The following DLG2 variants were observed in gnomAD, a reference collection of about 807,000 sequenced individuals.
DLG2 encodes discs large MAGUK scaffold protein 2.
A neutral mutation model predicts 132.5 loss-of-function variants in DLG2; 45 were observed. The ratio of observed to expected loss-of-function variants is 0.34; its 90% CI spans 0.27 to 0.44. DLG2 has a LOEUF of 0.44. DLG2 is among the 20% of genes least tolerant of loss of function. DLG2 has a pLI of 1.00. For synonymous variants in DLG2, 424 were observed against 419.6 expected (o/e 1.01, Z -0.13); for missense variants, 1,045 against 1,196.9 (o/e 0.87, Z 1.87).
At chr11:84,540,027 T>A (rs1371867331) in intron 6 of DLG2, among the ~76,000 whole-genome samples, 1 of 152,154 alleles carries the variant, frequency 6.6e-6, no homozygotes, top group Non-Finnish European at 1.5e-5. Flanking sequence ...TTACATCTTA[T>A]ACCAAAATTA....
At chr11:83,595,042 A>G (rs1389045754) in intron 19 of DLG2, among the ~76,000 whole-genome samples, 1 of 152,224 alleles carries the variant, frequency 6.6e-6, no homozygotes, top group Non-Finnish European at 1.5e-5. Flanking sequence ...TTATCAATGC[A>G]TATGGTATAA....
intron 8 of DLG2, among the ~76,000 whole-genome samples, chr11:84,170,875 G>A (rs946268607): frequency 3.3e-5 from 5 of 152,044 alleles, no homozygotes; most frequent in African/African-American, 1.2e-4. Flanking sequence ...CTGACCAATT[G>A]TTACTGTGAT....
chr11:85,571,217 T>C (rs1349610596), intron 3 of DLG2, among the ~76,000 whole-genome samples: 1 of 152,206 alleles, frequency 6.6e-6, no homozygotes, highest in African/African-American at 2.4e-5. Context: ...TAAAATATAA[T>C]GTGGCAACTT....
At chr11:85,154,312 C>T (rs917865192) in intron 5 of DLG2, among the ~76,000 whole-genome samples, 1 of 152,088 alleles carries the variant, frequency 6.6e-6, no homozygotes, top group South Asian at 2.1e-4. Flanking sequence ...TGTGTGATAA[C>T]CAGCACTTGA....
At chr11:84,961,526 TTGTGTGTGTGTGTGTGTGTGTG>T (rs71465017) in intron 6 of DLG2, among the ~76,000 whole-genome samples, 3 of 143,784 alleles carry the variant, frequency 2.1e-5, no homozygotes, top group Non-Finnish European at 4.6e-5. Flanking sequence ...AATTGTATCT[TTGTGTGTGTGTGTGTGTGTGTG>T]TGTGTGTGTG....
At chr11:83,878,023 C>G (rs2065207677) in intron 15 of DLG2, among the ~76,000 whole-genome samples, 1 of 152,182 alleles carries the variant, frequency 6.6e-6, no homozygotes, top group African/African-American at 2.4e-5. Flanking sequence ...TTCACCTCCT[C>G]AGGAAGAGAG....
At chr11:83,752,596 A>G (rs1295068158) in intron 18 of DLG2, among the ~76,000 whole-genome samples, 3 of 152,198 alleles carry the variant, frequency 2.0e-5, no homozygotes, top group South Asian at 2.1e-4. Context: ...AGTGGGTTCA[A>G]AGGAGAATGG....
intron 5 of DLG2, among the ~76,000 whole-genome samples, chr11:85,132,499 C>A (rs1403329348): frequency 1.3e-5 from 2 of 150,992 alleles, no homozygotes; most frequent in Non-Finnish European, 2.9e-5. Context: ...GATGCAAAAG[C>A]AAATCCTGCC....
intron 14 of DLG2, among the ~76,000 whole-genome samples, chr11:83,947,883 A>T (rs2084453778): frequency 6.6e-6 from 1 of 152,194 alleles, no homozygotes; most frequent in South Asian, 2.1e-4. Context: ...GTCAAAGGCG[A>T]AATCATGGAA....
intron 6 of DLG2, among the ~76,000 whole-genome samples, chr11:84,767,511 A>G (rs958122933): frequency 6.6e-6 from 1 of 152,086 alleles, no homozygotes; most frequent in African/African-American, 2.4e-5. Flanking sequence ...TCAAAATGCA[A>G]TTTAAAATAT....
At chr11:85,577,667 T>A (rs148360482) in intron 3 of DLG2, among the ~76,000 whole-genome samples, 1 of 152,108 alleles carries the variant, frequency 6.6e-6, no homozygotes, top group Non-Finnish European at 1.5e-5. Context: ...TTTAAAACCA[T>A]GGGATTGAAT....
chr11:84,694,826 G>C (rs1397346629), intron 6 of DLG2, among the ~76,000 whole-genome samples: 1 of 151,436 alleles, frequency 6.6e-6, no homozygotes, highest in Non-Finnish European at 1.5e-5. Context: ...TACAGAGTGG[G>C]GGTGAAACTA....
chr11:83,533,528 C>CA (rs1254877195), intron 20 of DLG2, among the ~76,000 whole-genome samples: 1 of 152,068 alleles, frequency 6.6e-6, no homozygotes, highest in East Asian at 1.9e-4. Context: ...TGGGAGGGTG[C>CA]AAAGGAGGAG....
chr11:83,496,577 C>T (rs149790608), intron 21 of DLG2, among the ~76,000 whole-genome samples: 5 of 152,200 alleles, frequency 3.3e-5, no homozygotes, highest in Admixed American at 6.5e-5. Context: ...TAATACATTG[C>T]GGTATATTCA....
intron 3 of DLG2, among the ~76,000 whole-genome samples, chr11:85,512,860 A>G (rs2094105172): frequency 6.6e-6 from 1 of 152,192 alleles, no homozygotes; most frequent in East Asian, 1.9e-4. Flanking sequence ...AAAGGAAAAT[A>G]AACTGTTCTA....
At chr11:85,417,384 G>T (rs1020927809) in intron 3 of DLG2, among the ~76,000 whole-genome samples, 2 of 152,108 alleles carry the variant, frequency 1.3e-5, no homozygotes, top group African/African-American at 4.8e-5. Context: ...ATGTTCATCA[G>T]GGATACTGAC....
intron 19 of DLG2, among the ~76,000 whole-genome samples, chr11:83,551,973 C>T (rs1437311223): frequency 6.6e-6 from 1 of 152,118 alleles, no homozygotes; most frequent in African/African-American, 2.4e-5. Flanking sequence ...CATTTGGCCA[C>T]TTACTCATTT....
chr11:85,067,367 T>G (rs541868876), intron 6 of DLG2, among the ~76,000 whole-genome samples: 2 of 152,034 alleles, frequency 1.3e-5, no homozygotes, highest in Admixed American at 1.3e-4. Context: ...TCATCTTAGT[T>G]ATTTCTTGCC....
intron 21 of DLG2, among the ~76,000 whole-genome samples, chr11:83,511,014 CCAATACTACGTTTTGAGAAAAAAA>C (rs2094986432): frequency 7.6e-6 from 1 of 131,934 alleles, no homozygotes; most frequent in Non-Finnish European, 1.6e-5. Context: ...AAACTGCCCT[CCAATACTACGTTTTGAGAAAAAAA>C]AAAAAACCCT....
Sources: gnomAD v4.1 joint callset for allele counts (sites outside exome capture counted in the v4.1 genomes callset) on GRCh38, gnomAD v4.1.1 for gene constraint, MANE v1.5 for transcripts, NCBI Gene and HGNC (gene_info 2026-07-23, HGNC 2026-07-21) for gene names.